Variants in EYS observed in about 807,000 individuals in gnomAD.
EYS encodes the protein protein eyes shut homolog.
EYS carries 250 observed loss-of-function variants against 282.1 expected under a neutral mutation model. The observed-to-expected ratio is 0.89, with a 90% CI of 0.80 to 0.98. EYS has a LOEUF of 0.98. Ranked by LOEUF, EYS falls within the 50% of genes least tolerant of loss-of-function variation. The probability of loss-of-function intolerance (pLI) is 0.00; values close to 1 mark genes in which losing one functional copy is unlikely to be tolerated. For missense variants in EYS, 4,016 were observed against 3,709.0 expected (o/e 1.08, Z -2.15); for synonymous variants, 1,355 against 1,282.9 (o/e 1.06, Z -1.20).
chr6:64,033,354 G>GTT (rs1327967674), intron 33 of EYS, among the ~76,000 whole-genome samples: 1 of 152,052 alleles, frequency 6.6e-6, no homozygotes, highest in Non-Finnish European at 1.5e-5. Flanking sequence ...TGGTTTTCTG[G>GTT]TAAATTCTGA....
At chr6:64,662,383 T>C (rs1172944846) in intron 22 of EYS, among the ~76,000 whole-genome samples, 3 of 152,060 alleles carry the variant, frequency 2.0e-5, no homozygotes, top group East Asian at 3.9e-4. Context: ...TAAAGTATAA[T>C]AAAAAAAGAT....
chr6:64,363,850 T>C (rs1300695886), intron 29 of EYS, among the ~76,000 whole-genome samples: 1 of 151,866 alleles, frequency 6.6e-6, no homozygotes, highest in Non-Finnish European at 1.5e-5. Context: ...GTACAGTATA[T>C]CTACTGAAGA....
chr6:64,484,642 A>G (rs748189754), intron 26 of EYS, among the ~76,000 whole-genome samples: 4 of 151,654 alleles, frequency 2.6e-5, no homozygotes, highest in Admixed American at 6.6e-5. Flanking sequence ...AAATTATAAG[A>G]TGAATTATTC....
chr6:64,811,582 C>A (rs11757912), intron 22 of EYS, among the ~76,000 whole-genome samples: 6,679 of 152,152 alleles, frequency 0.044, 170 homozygotes, highest in East Asian at 0.07. Context: ...GTGAATAGAC[C>A]TTTAAAATAG....
intron 28 of EYS, among the ~76,000 whole-genome samples, chr6:64,389,734 C>G (rs1435290913): frequency 6.6e-6 from 1 of 152,124 alleles, no homozygotes; most frequent in Non-Finnish European, 1.5e-5. Context: ...TATCATAATC[C>G]TTTTCAAAAT....
chr6:65,231,834 C>T (rs1202545987), intron 12 of EYS, among the ~76,000 whole-genome samples: 1 of 151,684 alleles, frequency 6.6e-6, no homozygotes, highest in Non-Finnish European at 1.5e-5. Context: ...AAAAGGCACT[C>T]TAAATCAGGA....
chr6:64,134,536 G>A (rs1045460222), intron 31 of EYS, among the ~76,000 whole-genome samples: 1 of 152,066 alleles, frequency 6.6e-6, no homozygotes, highest in Non-Finnish European at 1.5e-5. Context: ...AAGTTTTGAC[G>A]ATGGATTAGA....
intron 8 of EYS, among the ~76,000 whole-genome samples, chr6:65,369,277 T>TTA (rs1554188420): frequency 8.5e-6 from 1 of 117,620 alleles, no homozygotes. Context: ...ATATATATAT[T>TTA]TATATATATT....
intron 14 of EYS, among the ~76,000 whole-genome samples, chr6:64,952,728 A>G (rs7767572): frequency 0.2 from 30,283 of 152,040 alleles, 3,230 homozygotes; most frequent in East Asian, 0.24. Context: ...TTTATGATAC[A>G]TTTAAAGCAT....
chr6:65,340,529 C>A (rs1770159863), intron 10 of EYS, among the ~76,000 whole-genome samples: 1 of 151,012 alleles, frequency 6.6e-6, no homozygotes, highest in South Asian at 2.1e-4. Flanking sequence ...TGTGAACCAA[C>A]TAAAATAAGT....
At chr6:64,486,477 G>C (rs879777243) in intron 26 of EYS, among the ~76,000 whole-genome samples, 1 of 151,272 alleles carries the variant, frequency 6.6e-6, no homozygotes, top group Non-Finnish European at 1.5e-5. Flanking sequence ...CAATCATCAT[G>C]GTGTATATAA....
At chr6:64,565,927 G>A (rs1417481054) in intron 26 of EYS, among the ~76,000 whole-genome samples, 1 of 146,240 alleles carries the variant, frequency 6.8e-6, no homozygotes, top group African/African-American at 2.5e-5. Flanking sequence ...ATAAAGTTGG[G>A]AAGAAAAGAA....
chr6:65,080,858 A>G (rs1774213454), intron 12 of EYS, among the ~76,000 whole-genome samples: 1 of 152,126 alleles, frequency 6.6e-6, no homozygotes, highest in Non-Finnish European at 1.5e-5. Context: ...ATCTTTTTAC[A>G]TGTACTGATG....
At chr6:64,622,989 T>C (rs1767496512) in intron 23 of EYS, among the ~76,000 whole-genome samples, 1 of 152,166 alleles carries the variant, frequency 6.6e-6, no homozygotes. Flanking sequence ...ATTTTTCTAA[T>C]GGAATCTTTT....
chr6:64,395,721 CATGTATACAT>C (rs1773343039), intron 28 of EYS, among the ~76,000 whole-genome samples: 1 of 149,178 alleles, frequency 6.7e-6, no homozygotes, highest in South Asian at 2.1e-4. Context: ...CAGCATGGCA[CATGTATACAT>C]ATGTAACTAA....
In EYS at chr6:64,305,353, A is replaced by AT. The variant is rs55666848; in HGVS notation, c.6191+1616dup. ...TGCAATCCCCAACAAAATCCCAGTGATTTTTTTTTTTCAGAAATAAAAAAA... is the reference window on the plus strand; with the variant it reads ...TGCAATCCCCAACAAAATCCCAGTGATTTTTTTTTTTTCAGAAATAAAAAAA... On this transcript the variant is annotated intron_variant, in intron 30 of 42. Coordinates refer to ENST00000503581, the MANE Select transcript of EYS (RefSeq NM_001142800.2). Among the ~76,000 whole-genome samples, 366 of 150,496 alleles carry AT rather than the reference A, an allele frequency of 2.4e-3. 1 individual carries two copies. Among genetic ancestry groups the AT allele is most frequent in the African/African-American group, 7.9e-3 (321 of 40,862 alleles).
At chr6:65,265,453 A>G (rs189467542) in intron 12 of EYS, among the ~76,000 whole-genome samples, 131 of 152,082 alleles carry the variant, frequency 8.6e-4, no homozygotes, top group African/African-American at 2.9e-3. Context: ...CGTGATTCCT[A>G]AGAGAAGTGA....
chr6:65,282,966 G>C (rs1037490056), intron 12 of EYS, among the ~76,000 whole-genome samples: 4 of 151,690 alleles, frequency 2.6e-5, no homozygotes, highest in Admixed American at 1.3e-4. Context: ...TCATTTTACA[G>C]GTAGGCAAAA....
intron 35 of EYS, among the ~76,000 whole-genome samples, chr6:63,869,340 C>T (rs1026449879): frequency 3.9e-5 from 6 of 152,052 alleles, no homozygotes; most frequent in Non-Finnish European, 5.9e-5. Flanking sequence ...ATGGTATAAT[C>T]TCTCGCCTTC....
Sources: gnomAD v4.1 joint callset for allele counts (sites outside exome capture counted in the v4.1 genomes callset) on GRCh38, gnomAD v4.1.1 for gene constraint, MANE v1.5 for transcripts, NCBI Gene and HGNC (gene_info 2026-07-23, HGNC 2026-07-21) for gene names.